Variants in FANCA observed in about 807,000 individuals in gnomAD.
FANCA encodes FA complementation group A, also known as Fanconi anemia group A protein.
FANCA carries 236 observed loss-of-function variants against 194.3 expected under a neutral mutation model. The observed-to-expected ratio is 1.21, with a 90% CI of 1.09 to 1.35. The LOEUF is 1.35. Ranked by LOEUF, FANCA falls within the 40% of genes most tolerant of loss-of-function variation. The pLI is 0.00. For synonymous variants in FANCA, 1,014 were observed against 715.8 expected, an observed-to-expected ratio of 1.42 and a Z score of -6.65; for missense variants, 2,628 against 1,813.9, an observed-to-expected ratio of 1.45 and a Z score of -8.15.
chr16:89,782,838 G>A, intron 17 of FANCA, 21 bp downstream of exon 17: 1 of 1,609,350 alleles, frequency 6.2e-7, no homozygotes, highest in East Asian at 2.2e-5. Context: ...CTGAGACCCT[G>A]CAGGGCTCAA....
intron 30 of FANCA, among the ~76,000 whole-genome samples, chr16:89,752,702 G>A (rs1006460254): frequency 3.9e-5 from 6 of 152,220 alleles, no homozygotes; most frequent in Non-Finnish European, 7.3e-5. Flanking sequence ...ATATACTGAG[G>A]TGTGACCAGA....
Position 89,775,798 on chromosome 16 carries a change from G to T in FANCA, c.1844C>A (p.Pro615Gln). Reference sequence around the variant, plus strand: ...CTGGCAGTAGGTGGAGTACAGAGATGGGGGGATTTTATCTGCTCTGGATCA... The same window carrying T: ...CTGGCAGTAGGTGGAGTACAGAGATTGGGGGATTTTATCTGCTCTGGATCA... ...ESLKRADKIP[P>Q]SLYSTYCQAC... The change falls in exon 21 of 43, where the codon CCA becomes CAA. Residue 615 changes from proline (P) to glutamine (Q), a missense_variant. Transcript: ENST00000389301. The T allele has an allele frequency of 1.9e-6, 3 of 1,611,724 alleles. No individual in the cohort carries two copies. Among genetic ancestry groups the T allele is most frequent in the Non-Finnish European group, 2.5e-6 (3 of 1,178,654 alleles).
At chr16:89,752,324 CT>C in intron 30 of FANCA, 102 bp from the exon 31 acceptor site, 3 of 937,012 alleles carry the variant, frequency 3.2e-6, no homozygotes, top group African/African-American at 1.6e-5. Context: ...CTGTGCTTCT[CT>C]GACAGTGTGA....
In FANCA at chr16:89,739,345, G is replaced by A; in HGVS notation, c.4011-56C>T. 2 of 1,603,342 alleles carry A rather than the reference G, an allele frequency of 1.2e-6. 1 individual carries two copies. Among genetic ancestry groups the A allele is most frequent in the South Asian group, 2.2e-5 (2 of 90,552 alleles). Reference sequence around the variant, plus strand: ...ACAGACTGCTGGAAAGGTAGCAGGTGATGCCAAGGGATACTGCTCATCTGT... The same window carrying A: ...ACAGACTGCTGGAAAGGTAGCAGGTAATGCCAAGGGATACTGCTCATCTGT... On this transcript the variant is annotated intron_variant, in intron 40 of 42. Coordinates refer to ENST00000389301, the MANE Select transcript of FANCA (RefSeq NM_000135.4).
At chr16:89,795,319 TAAATA>T (rs1038639072) in intron 11 of FANCA, among the ~76,000 whole-genome samples, 1 of 149,568 alleles carries the variant, frequency 6.7e-6, no homozygotes, top group Non-Finnish European at 1.5e-5. Flanking sequence ...AATAAATAAA[TAAATA>T]AAATAAAGAT....
At chr16:89,775,416 C>G (rs1274007925) in intron 21 of FANCA, among the ~76,000 whole-genome samples, 1 of 152,232 alleles carries the variant, frequency 6.6e-6, no homozygotes, top group Non-Finnish European at 1.5e-5. Flanking sequence ...CCCAAGGTGG[C>G]CGCTGAGAGA....
intron 20 of FANCA, among the ~76,000 whole-genome samples, chr16:89,776,892 A>G (rs2039525176): frequency 6.6e-6 from 1 of 152,160 alleles, no homozygotes; most frequent in Non-Finnish European, 1.5e-5. Flanking sequence ...TCCTTAGCAA[A>G]TTAGTAAGAG....
At chr16:89,796,861 A>T (rs1210484595) in intron 10 of FANCA, among the ~76,000 whole-genome samples, 3 of 152,098 alleles carry the variant, frequency 2.0e-5, no homozygotes, top group Admixed American at 1.3e-4. Context: ...TCTACACTAA[A>T]AATACCAAAA....
At chr16:89,761,839 T>C (rs1190127075) in intron 29 of FANCA, 110 bp downstream of exon 29, 5 of 868,478 alleles carry the variant, frequency 5.8e-6, no homozygotes, top group Non-Finnish European at 9.9e-6. Flanking sequence ...TTGCCCAGGC[T>C]GACCTCAAAC....
intron 30 of FANCA, among the ~76,000 whole-genome samples, chr16:89,754,699 G>A (rs1316236274): frequency 6.6e-6 from 1 of 152,004 alleles, no homozygotes; most frequent in African/African-American, 2.4e-5. Context: ...AAAGCCCTAA[G>A]GAATCGATAC....
chr16:89,770,661 T>G (rs1300812056), intron 23 of FANCA, 27 bp from the exon 24 acceptor site: 1 of 1,581,214 alleles, frequency 6.3e-7, no homozygotes, highest in Non-Finnish European at 8.6e-7. Flanking sequence ...CTCATGAGCG[T>G]GGTGTCCTGG....
intron 15 of FANCA, among the ~76,000 whole-genome samples, chr16:89,784,152 G>C (rs2039815915): frequency 6.6e-6 from 1 of 152,004 alleles, no homozygotes; most frequent in African/African-American, 2.4e-5. Context: ...GATCACTTGA[G>C]CTCAGTTCAA....
chr16:89,740,195 T>C (rs1336532696), intron 38 of FANCA, 96 bp from the exon 39 acceptor site: 1 of 993,358 alleles, frequency 1.0e-6, no homozygotes, highest in Admixed American at 1.7e-5. Context: ...GCATTTCCTC[T>C]TTGCTTATTG....
rs189421414 is a variant in FANCA at position 89,798,779 on chromosome 16, A to G, written c.893+387T>C. 94 of 1,411,146 alleles carry G rather than the reference A, an allele frequency of 6.7e-5. No individual in the cohort carries two copies. The African/African-American group carries it at 1.3e-3, about 20-fold the overall frequency. 87.4% of individuals were successfully genotyped at this position (1,411,146 alleles called of 1,614,324 possible). A position where few individuals can be genotyped will look rare whatever the true frequency, so the allele number is the denominator to read the frequency against. ...CGGGAGTCTGTAGAGGCACAGCTAC[A>G]GTGTGTTCTAGAAATGTGGGGGGCT... On this transcript the variant is annotated intron_variant, in intron 10 of 42. Transcript: ENST00000389301.
intron 30 of FANCA, among the ~76,000 whole-genome samples, 176 bp from the exon 31 acceptor site, chr16:89,752,398 G>C (rs1275793752): frequency 1.3e-5 from 2 of 152,008 alleles, no homozygotes; most frequent in African/African-American, 4.8e-5. Flanking sequence ...CCCCAACCTA[G>C]GAAATACAAA....
intron 35 of FANCA, among the ~76,000 whole-genome samples, 172 bp downstream of exon 35, chr16:89,746,412 G>A (rs970559687): frequency 6.6e-6 from 1 of 151,878 alleles, no homozygotes; most frequent in African/African-American, 2.4e-5. Context: ...AGGATGTGCG[G>A]CCCTCATCTG....
intron 17 of FANCA, 130 bp downstream of exon 17, chr16:89,782,729 G>A: frequency 3.8e-6 from 3 of 790,156 alleles, no homozygotes; most frequent in Non-Finnish European, 6.4e-6. Context: ...CTCGCCCCCA[G>A]CTGCGCCCGA....
rs587778313 is a variant in FANCA at position 89,767,223 on chromosome 16, G to C, written c.2519C>G (p.Ala840Gly). ...LFFCLKFCTAAISYSLCKFSS... is the reference protein window; with the variant it reads ...LFFCLKFCTAGISYSLCKFSS... ...AAACTTGCAGAGAGAGTAAGAAATT[G>C]CTGCTGTACAAAATCTGAAAACAGA... Residue 840 changes from alanine (A) to glycine (G), a missense_variant, in exon 27 of 43, where the codon GCA becomes GGA. Transcript: ENST00000389301. 3 of 1,611,764 alleles carry C rather than the reference G, an allele frequency of 1.9e-6. No homozygotes were observed. Among genetic ancestry groups the C allele is most frequent in the Admixed American group, 1.7e-5 (1 of 60,018 alleles).
chr16:89,797,960 G>A (rs1261523038), intron 10 of FANCA, among the ~76,000 whole-genome samples: 1 of 152,108 alleles, frequency 6.6e-6, no homozygotes, highest in Non-Finnish European at 1.5e-5. Flanking sequence ...GCAGGTCAGT[G>A]GTTGTTACCT....
Sources: gnomAD v4.1 joint callset for allele counts (sites outside exome capture counted in the v4.1 genomes callset) on GRCh38, gnomAD v4.1.1 for gene constraint, MANE v1.5 for transcripts, NCBI Gene and HGNC (gene_info 2026-07-23, HGNC 2026-07-21) for gene names.